SUGCT: variants seen among roughly 807,000 people sequenced by gnomAD.
The protein encoded by SUGCT is succinyl-CoA:glutarate CoA-transferase.
A neutral mutation model predicts 55.0 loss-of-function variants in SUGCT; 41 were observed. That is an observed-to-expected ratio of 0.74 (90% CI 0.58 to 0.97). The LOEUF (loss-of-function observed/expected upper bound fraction) is 0.97, where lower values mean the gene tolerates loss of function less well. SUGCT is among the 50% of genes least tolerant of loss of function. The pLI is 0.00. For synonymous variants in SUGCT, 187 were observed against 200.4 expected, an observed-to-expected ratio of 0.93 and a Z score of 0.56; for missense variants, 568 against 547.8, an observed-to-expected ratio of 1.04 and a Z score of -0.37.
At chr7:40,505,781 G>C (rs1792556719) in intron 12 of SUGCT, among the ~76,000 whole-genome samples, 1 of 151,938 alleles carries the variant, frequency 6.6e-6, no homozygotes, top group Admixed American at 6.6e-5. Flanking sequence ...AAAGAAATAA[G>C]AGCAAGTCTA....
intron 9 of SUGCT, among the ~76,000 whole-genome samples, chr7:40,399,141 T>G (rs1294851006): frequency 1.3e-5 from 2 of 152,140 alleles, no homozygotes; most frequent in Non-Finnish European, 2.9e-5. Context: ...GTCAGGAAAT[T>G]TTTTTAAAAA....
intron 12 of SUGCT, among the ~76,000 whole-genome samples, chr7:40,634,760 A>G (rs1799947624): frequency 6.6e-6 from 1 of 152,372 alleles, no homozygotes; most frequent in South Asian, 2.1e-4. Context: ...AGTTATTTGA[A>G]AATTATTTTA....
chr7:40,193,213 C>A (rs1534675), intron 5 of SUGCT, among the ~76,000 whole-genome samples: 57,686 of 149,806 alleles, frequency 0.39, 12,414 homozygotes, highest in Middle Eastern at 0.59. Context: ...GTGATCTATC[C>A]CCCCGACTCA....
chr7:40,210,151 C>G (rs183976646), intron 6 of SUGCT, among the ~76,000 whole-genome samples: 1 of 152,064 alleles, frequency 6.6e-6, no homozygotes, highest in East Asian at 1.9e-4. Context: ...GCTCTCAGCT[C>G]ACTGCAACCT....
At chr7:40,316,662 T>C in intron 8 of SUGCT, 98 bp from the exon 9 acceptor site, 2 of 726,394 alleles carry the variant, frequency 2.8e-6, no homozygotes, top group South Asian at 4.8e-5. Flanking sequence ...TCTTCTACAA[T>C]GAGATGAAGT....
chr7:40,437,040 A>G (rs1788215547), intron 9 of SUGCT, among the ~76,000 whole-genome samples: 1 of 152,192 alleles, frequency 6.6e-6, no homozygotes, highest in African/African-American at 2.4e-5. Flanking sequence ...ATTCCTCAGG[A>G]AGAAAAACTC....
At chr7:40,615,082 A>G (rs1798935982) in intron 12 of SUGCT, among the ~76,000 whole-genome samples, 1 of 151,852 alleles carries the variant, frequency 6.6e-6, no homozygotes, top group South Asian at 2.1e-4. Context: ...AGAAAGAAAA[A>G]AAGAAAATGA....
At chr7:40,853,425 C>A (rs959170077) in intron 13 of SUGCT, among the ~76,000 whole-genome samples, 1 of 152,004 alleles carries the variant, frequency 6.6e-6, no homozygotes, top group Non-Finnish European at 1.5e-5. Context: ...AGTGCAGTGG[C>A]GCAATCTTGG....
chr7:40,388,335 A>G (rs1358205861), intron 9 of SUGCT, among the ~76,000 whole-genome samples: 1 of 152,210 alleles, frequency 6.6e-6, no homozygotes, highest in Non-Finnish European at 1.5e-5. Context: ...ACAGGCTTAT[A>G]ATATAATGAG....
At chr7:40,772,502 CTATCT>C (rs1789163987) in intron 13 of SUGCT, among the ~76,000 whole-genome samples, 2 of 38,550 alleles carry the variant, frequency 5.2e-5, no homozygotes, top group Admixed American at 2.8e-4. Flanking sequence ...AAATATCTAT[CTATCT>C]ATCTATCTAT....
At chr7:40,758,604 T>C (rs11978022) in intron 13 of SUGCT, among the ~76,000 whole-genome samples, 1 of 152,154 alleles carries the variant, frequency 6.6e-6, no homozygotes, top group Non-Finnish European at 1.5e-5. Context: ...GTGGGCCTTA[T>C]TGCTTCTCTC....
At chr7:40,811,232 A>C (rs1265336214) in intron 13 of SUGCT, among the ~76,000 whole-genome samples, 2 of 151,898 alleles carry the variant, frequency 1.3e-5, no homozygotes, top group East Asian at 3.9e-4. Context: ...TGCTTGGCTT[A>C]CTTTGGCTAT....
downstream of SUGCT, among the ~76,000 whole-genome samples, chr7:40,864,597 G>C (rs1370095870): frequency 6.6e-6 from 1 of 152,098 alleles, no homozygotes; most frequent in Non-Finnish European, 1.5e-5. Context: ...GGAGGTTAAA[G>C]TATTATAGGC....
At chr7:40,637,633 G>T (rs893203662) in intron 12 of SUGCT, among the ~76,000 whole-genome samples, 1 of 152,184 alleles carries the variant, frequency 6.6e-6, no homozygotes, top group Non-Finnish European at 1.5e-5. Flanking sequence ...TGGTCCTCTG[G>T]TAGGAACACC....
intron 12 of SUGCT, among the ~76,000 whole-genome samples, chr7:40,679,272 G>A (rs1417117200): frequency 6.6e-6 from 1 of 152,184 alleles, no homozygotes; most frequent in Admixed American, 6.5e-5. Context: ...GAAGATAGCT[G>A]AAAGCTATCT....
intron 9 of SUGCT, among the ~76,000 whole-genome samples, chr7:40,438,921 T>C (rs1468875459): frequency 2.0e-5 from 3 of 150,712 alleles, no homozygotes; most frequent in African/African-American, 7.3e-5. Context: ...AGGAGTTCCT[T>C]TCTTGTGGGA....
At chr7:40,430,711 G>T (rs981932429) in intron 9 of SUGCT, among the ~76,000 whole-genome samples, 1 of 152,122 alleles carries the variant, frequency 6.6e-6, no homozygotes, top group African/African-American at 2.4e-5. Flanking sequence ...AGTTTTTGGT[G>T]TGATATCAAA....
At chr7:40,998,271 C>A in the SUGCT span, among the ~76,000 whole-genome samples, 1 of 151,972 alleles carries the variant, frequency 6.6e-6, no homozygotes, top group Non-Finnish European at 1.5e-5. Flanking sequence ...ACTCAGGAGG[C>A]TGAGGCTGGA....
chr7:40,521,493 AG>A (rs1476248734), intron 12 of SUGCT, among the ~76,000 whole-genome samples: 1 of 152,140 alleles, frequency 6.6e-6, no homozygotes, highest in Non-Finnish European at 1.5e-5. Context: ...ACTTCAAGAA[AG>A]AAGGCATAGG....
Sources: allele counts gnomAD v4.1 joint callset (sites outside exome capture counted in the v4.1 genomes callset), GRCh38; gene constraint gnomAD v4.1.1; transcripts MANE v1.5; gene names NCBI Gene and HGNC (gene_info 2026-07-23, HGNC 2026-07-21).